Variants in KMT2C observed in about 807,000 individuals in gnomAD.
KMT2C encodes the protein lysine methyltransferase 2C.
A neutral mutation model predicts 507.9 loss-of-function variants in KMT2C; 88 were observed. That is an observed-to-expected ratio of 0.17 (90% confidence interval 0.15 to 0.21). The LOEUF is 0.21. Among genes scored for constraint, KMT2C ranks in the 10% least tolerant of loss-of-function variants. The pLI is 1.00. For missense variants in KMT2C, 4,954 were observed against 5,957.8 expected (o/e 0.83, Z 5.55); for synonymous variants, 2,049 against 2,080.8 (o/e 0.98, Z 0.42).
chr7:152,325,727 T>G (rs1447278306), intron 3 of KMT2C, among the ~76,000 whole-genome samples: 1 of 152,180 alleles, frequency 6.6e-6, no homozygotes, highest in Admixed American at 6.5e-5. Flanking sequence ...ATTATAGGCA[T>G]GAGCCACTGT....
chr7:152,268,065 A>AG (rs2095888045), intron 7 of KMT2C, among the ~76,000 whole-genome samples: 1 of 152,166 alleles, frequency 6.6e-6, no homozygotes, highest in East Asian at 1.9e-4. Flanking sequence ...GGATCACTTG[A>AG]GGTCAGGAGC....
chr7:152,256,498 A>G (rs2095664350), intron 9 of KMT2C, among the ~76,000 whole-genome samples: 1 of 152,158 alleles, frequency 6.6e-6, no homozygotes, highest in South Asian at 2.1e-4. Flanking sequence ...GGTCAAGGCT[A>G]CAGTGAACTA....
chr7:152,162,676 G>A lies in KMT2C; in HGVS notation c.10901C>T (p.Thr3634Ile), dbSNP rs2129103933. The change falls in exon 43 of 59, where the codon ACT (threonine) becomes ATT (isoleucine). Residue 3634 changes from threonine to isoleucine, a missense_variant. This residue lies in a region of KMT2C where 801 missense variants were observed against 751.2 expected (regional missense o/e 1.07). Transcript: ENST00000262189. ...TPHSDITAPP[T>I]PGISETTSTP... is the part of the protein sequence containing the mutation. ...AGAGGTAGTTTCTGAGATGCCTGGA[G>A]TCGGTGGGGCAGTTATATCTGAATG... 1 of 1,614,226 alleles carries A rather than the reference G, an allele frequency of 6.2e-7. No homozygotes were observed. Among genetic ancestry groups the A allele is most frequent in the Non-Finnish European group, 8.5e-7 (1 of 1,180,026 alleles).
At chr7:152,421,538 C>G (rs554483622) in intron 1 of KMT2C, among the ~76,000 whole-genome samples, 1 of 152,132 alleles carries the variant, frequency 6.6e-6, no homozygotes, top group East Asian at 1.9e-4. Flanking sequence ...GGTACATATA[C>G]GAGACAGAAT....
At chr7:152,297,047 AAGAAAGACAGAGAG>A (rs1399084671) in intron 6 of KMT2C, among the ~76,000 whole-genome samples, 6 of 68,974 alleles carry the variant, frequency 8.7e-5, no homozygotes, top group African/African-American at 2.8e-4. Flanking sequence ...GAAAGAAAGA[AAGAAAGACAGAGAG>A]AGAGAGAGAG....
chr7:152,248,613 G>C lies in KMT2C; in HGVS notation c.1821C>G (p.Ser607=), dbSNP rs2095514255. The C allele has an allele frequency of 6.3e-7, 1 of 1,594,638 alleles. No individual in the cohort carries two copies. Among genetic ancestry groups the C allele is most frequent in the Admixed American group, 1.7e-5 (1 of 58,380 alleles). ...CCAATTCAGTATTCACTGTATGTTG[G>C]GATGATACTACAAAATTCAGAACAT... The part of the protein sequence containing the change: ...DTDSLLIAVS[S]QHTVNTELEK... The change falls in exon 14 of 59, where the codon TCC becomes TCG. Residue 607 remains serine, a synonymous_variant. Coordinates refer to ENST00000262189, the MANE Select transcript of KMT2C (RefSeq NM_170606.3).
intron 6 of KMT2C, among the ~76,000 whole-genome samples, chr7:152,293,155 C>G (rs190172974): frequency 2.6e-5 from 4 of 152,156 alleles, no homozygotes; most frequent in Non-Finnish European, 5.9e-5. Flanking sequence ...GAGAACCTAC[C>G]AACAATCTAA....
At chr7:152,383,596 A>G (rs1205680975) in intron 1 of KMT2C, among the ~76,000 whole-genome samples, 1 of 152,240 alleles carries the variant, frequency 6.6e-6, no homozygotes, top group Non-Finnish European at 1.5e-5. Flanking sequence ...ATACACTTAG[A>G]TAAGAAGGGG....
rs2095072812 is a variant in KMT2C, at chr7:152,230,440, C to A, written c.2770-119G>T. 3.7e-5 allele frequency: 18 copies of A among 492,522 alleles called. 1 individual carries two copies. The South Asian group carries it at 7.0e-4, about 19-fold the overall frequency. 30.5% of individuals were successfully genotyped at this position (492,522 alleles called of 1,614,324 possible). A position where few individuals can be genotyped will look rare whatever the true frequency, so the allele number is the denominator to read the frequency against. ...ATATTTTGGCTAAGGTCTAGAATAA[C>A]AATTCCAAATATTAATGCTAAGATA... On this transcript the variant is annotated intron_variant, in intron 16 of 58. Coordinates refer to ENST00000262189, the MANE Select transcript of KMT2C (RefSeq NM_170606.3).
chr7:152,376,734 A>C (rs1390357438), intron 1 of KMT2C, among the ~76,000 whole-genome samples: 1 of 152,274 alleles, frequency 6.6e-6, no homozygotes, highest in East Asian at 1.9e-4. Context: ...TGAAGCAGCA[A>C]GTGCTGACAT....
intron 9 of KMT2C, among the ~76,000 whole-genome samples, chr7:152,253,319 A>C (rs2095591591): frequency 6.6e-6 from 1 of 152,048 alleles, no homozygotes. Context: ...AATTCAAAAA[A>C]AGAAACATAT....
In KMT2C at chr7:152,174,152, A is replaced by G. The variant is rs766962867; in HGVS notation, c.9353T>C (p.Met3118Thr). The G allele has an allele frequency of 6.2e-7, 1 of 1,607,370 alleles. No individual in the cohort carries two copies. Among genetic ancestry groups the G allele is most frequent in the South Asian group, 1.1e-5 (1 of 90,348 alleles). ...NKVMAQNNLG[M>T]PPMVMSRFPF... ...CTACCTGCTCATCACCATTGGTGGC[A>G]TGCCCAGATTGTTTTGTGCCATCAC... Residue 3118 changes from methionine to threonine, a missense_variant, in exon 39 of 59, where the codon ATG (methionine) becomes ACG (threonine). Transcript: ENST00000262189.
rs1465466307 is a variant in KMT2C, at chr7:152,138,774, A to G, written c.14643+22T>C. On this transcript the variant is annotated intron_variant, in intron 58 of 58. Coordinates refer to ENST00000262189, the MANE Select transcript of KMT2C (RefSeq NM_170606.3). The surrounding 1 kb of genome is among the most constrained non-coding windows in gnomAD (Gnocchi z 4.2). ...GCCCAGGATCTGAACAACATGGCAG[A>G]TGCAATCTCTCACACTCTTACCTCT... 1.5e-5 allele frequency: 21 copies of G among 1,421,620 alleles called. No homozygotes were observed. The highest frequency in any genetic ancestry group is 2.1e-5 in the Non-Finnish European group (21 of 1,023,180). The allele number at this position is 1,421,620 out of a possible 1,614,324, so 88.1% of individuals were successfully genotyped here.
chr7:152,361,858 T>A (rs548596529), intron 1 of KMT2C, among the ~76,000 whole-genome samples: 2 of 152,256 alleles, frequency 1.3e-5, no homozygotes, highest in South Asian at 4.1e-4. Flanking sequence ...TGGTAACTAA[T>A]CATTAGAGAG....
At chr7:152,160,691 CTATA>C (rs1238485275) in intron 43 of KMT2C, among the ~76,000 whole-genome samples, 1 of 147,976 alleles carries the variant, frequency 6.8e-6, no homozygotes, top group Non-Finnish European at 1.5e-5. Context: ...ATTTAAATCA[CTATA>C]TATTTATTTA....
chr7:152,159,880 A>T (rs980218566), intron 43 of KMT2C, among the ~76,000 whole-genome samples: 5 of 152,198 alleles, frequency 3.3e-5, no homozygotes, highest in African/African-American at 1.2e-4. Context: ...TTCTGCATTG[A>T]ATCTCTGACG....
intron 1 of KMT2C, among the ~76,000 whole-genome samples, chr7:152,409,359 T>TA (rs2097657090): frequency 6.6e-6 from 1 of 152,010 alleles, no homozygotes; most frequent in Non-Finnish European, 1.5e-5. Flanking sequence ...ATGAGCTTTT[T>TA]AAAAAATTTC....
Position 152,146,628 on chromosome 7 carries a change from C to T in KMT2C, c.14002G>A (p.Val4668Ile), listed in dbSNP as rs554454723. 39 of 1,614,140 alleles carry T rather than the reference C, an allele frequency of 2.4e-5. No homozygotes were observed. The highest frequency in any genetic ancestry group is 1.9e-4 in the South Asian group (17 of 91,090). The change falls in exon 53 of 59, where the codon GTC becomes ATC. Residue 4668 changes from valine (V) to isoleucine (I), a missense_variant. Physicochemically the swap from Val to Ile is conservative, Grantham distance 29. Around this residue, in one of 29 missense-constraint regions of KMT2C, gnomAD observed 221 missense variants for 304.7 expected, o/e 0.73. Coordinates refer to ENST00000262189, the MANE Select transcript of KMT2C (RefSeq NM_170606.3). Reference sequence around the variant, plus strand: ...TCCGCTATGCGTGCCACTGCAGAGACGGTCAGGCCAAACAGATCCTCTCCT... The same window carrying T: ...TCCGCTATGCGTGCCACTGCAGAGATGGTCAGGCCAAACAGATCCTCTCCT... ...LKGEDLFGLT[V>I]SAVARIAESL...
intron 6 of KMT2C, among the ~76,000 whole-genome samples, chr7:152,305,480 T>C (rs2096607988): frequency 6.6e-6 from 1 of 151,950 alleles, no homozygotes; most frequent in Non-Finnish European, 1.5e-5. Context: ...CAAACGGTTA[T>C]AGTGAAAGAT....
Sources: allele counts gnomAD v4.1 joint callset (sites outside exome capture counted in the v4.1 genomes callset), GRCh38; gene constraint gnomAD v4.1.1; regional missense constraint gnomAD v4.1.1; non-coding constraint Gnocchi (gnomAD v3.1); transcripts MANE v1.5; gene names NCBI Gene and HGNC (gene_info 2026-07-23, HGNC 2026-07-21).